Variants in ERC2 observed in about 807,000 individuals in gnomAD.
The protein encoded by ERC2 is ERC protein 2.
A neutral mutation model predicts 114.8 loss-of-function variants in ERC2; 42 were observed. That is an observed-to-expected ratio of 0.37 (90% CI 0.29 to 0.47). ERC2 has a LOEUF of 0.47. Ranked by LOEUF, ERC2 falls within the 20% of genes least tolerant of loss-of-function variation. The pLI is 0.99. For synonymous variants in ERC2, 454 were observed against 425.5 expected (o/e 1.07, Z -0.82); for missense variants, 939 against 1,150.7 (o/e 0.82, Z 2.66).
chr3:55,866,151 G>A (rs1291637438), intron 14 of ERC2, among the ~76,000 whole-genome samples: 1 of 152,090 alleles, frequency 6.6e-6, no homozygotes, highest in Non-Finnish European at 1.5e-5. Flanking sequence ...AACCATCCTA[G>A]TGGATGTAAA....
intron 13 of ERC2, among the ~76,000 whole-genome samples, chr3:55,940,821 T>C (rs1401661738): frequency 6.6e-6 from 1 of 152,178 alleles, no homozygotes; most frequent in East Asian, 1.9e-4. Context: ...TTCCATAAAA[T>C]CCATGCAAAA....
intron 10 of ERC2, among the ~76,000 whole-genome samples, chr3:55,996,939 C>T (rs563202885): frequency 6.6e-6 from 1 of 152,320 alleles, no homozygotes; most frequent in East Asian, 1.9e-4. Context: ...TGTCAAGTAT[C>T]AAAATCATAC....
At chr3:55,882,123 GC>G (rs2063144784) in intron 14 of ERC2, among the ~76,000 whole-genome samples, 5 of 152,170 alleles carry the variant, frequency 3.3e-5, no homozygotes, top group Admixed American at 2.0e-4. Context: ...ATAGATTAAT[GC>G]CCTCTCCCTT....
At chr3:56,252,757 C>CAAAAAAAAAAAA (rs71099628) in intron 3 of ERC2, among the ~76,000 whole-genome samples, 17 of 74,152 alleles carry the variant, frequency 2.3e-4, no homozygotes, top group African/African-American at 4.6e-4. Context: ...AACTCTGTCT[C>CAAAAAAAAAAAA]AAAAAAAAAA....
intron 12 of ERC2, among the ~76,000 whole-genome samples, chr3:55,978,754 G>A: frequency 6.6e-6 from 1 of 152,206 alleles, no homozygotes; most frequent in Admixed American, 6.5e-5. Context: ...TAGCAATGAT[G>A]ATGTTGTTTC....
chr3:56,286,269 C>T (rs1441209287), intron 3 of ERC2, among the ~76,000 whole-genome samples: 3 of 151,802 alleles, frequency 2.0e-5, no homozygotes, highest in South Asian at 2.1e-4. Flanking sequence ...CAAAATTAGC[C>T]GGAATGTGGT....
intron 14 of ERC2, among the ~76,000 whole-genome samples, chr3:55,823,735 A>T (rs967006960): frequency 6.6e-6 from 1 of 152,174 alleles, no homozygotes; most frequent in Admixed American, 6.5e-5. Flanking sequence ...CATTTTCCAG[A>T]TCCCATCGCT....
At chr3:55,709,981 C>T (rs1489240784) in intron 15 of ERC2, among the ~76,000 whole-genome samples, 17 of 152,102 alleles carry the variant, frequency 1.1e-4, no homozygotes. Context: ...AGCAGTTTTC[C>T]AATCAGTTGA....
intron 3 of ERC2, among the ~76,000 whole-genome samples, chr3:56,290,607 C>T (rs2055020888): frequency 6.6e-6 from 1 of 152,144 alleles, no homozygotes; most frequent in African/African-American, 2.4e-5. Flanking sequence ...GAACTAGGGA[C>T]AAGCATGTAT....
At chr3:56,401,731 C>A (rs1201814746) in intron 2 of ERC2, among the ~76,000 whole-genome samples, 1 of 152,138 alleles carries the variant, frequency 6.6e-6, no homozygotes, top group African/African-American at 2.4e-5. Flanking sequence ...TGCCTTCACC[C>A]AGGAAAGATT....
chr3:55,576,974 C>T (rs961350590), intron 17 of ERC2, among the ~76,000 whole-genome samples: 3 of 152,302 alleles, frequency 2.0e-5, no homozygotes, highest in East Asian at 1.9e-4. Context: ...TTAGACAAGT[C>T]GAGGTGATTA....
chr3:55,784,054 A>G (rs1002895146), intron 14 of ERC2, among the ~76,000 whole-genome samples: 4 of 152,244 alleles, frequency 2.6e-5, no homozygotes, highest in African/African-American at 9.6e-5. Flanking sequence ...GGTACTTGTT[A>G]TAGTAGATGA....
At chr3:56,210,147 G>A (rs1283679142) in intron 3 of ERC2, among the ~76,000 whole-genome samples, 5 of 152,258 alleles carry the variant, frequency 3.3e-5, no homozygotes, top group South Asian at 4.1e-4. Flanking sequence ...GTGCAAGAGC[G>A]AACTACCTGG....
At chr3:56,021,951 T>G (rs181775355) in intron 7 of ERC2, among the ~76,000 whole-genome samples, 248 of 152,330 alleles carry the variant, frequency 1.6e-3, no homozygotes, top group African/African-American at 5.2e-3. Context: ...ATGTACCACA[T>G]TTTCTTTATC....
At chr3:55,853,578 T>C (rs981133111) in intron 14 of ERC2, among the ~76,000 whole-genome samples, 2 of 152,110 alleles carry the variant, frequency 1.3e-5, no homozygotes, top group Non-Finnish European at 2.9e-5. Context: ...AATATAAGTA[T>C]GAATTGAATT....
rs576404070 is a variant in ERC2 at position 56,227,350 on chromosome 3, C to T, written c.1075-53830G>A. On this transcript the variant is annotated intron_variant, in intron 3 of 17. Coordinates refer to ENST00000288221, the MANE Select transcript of ERC2 (RefSeq NM_015576.3). ...ATGGGGAGTAAGGTATAGGAGCACA[C>T]TGACAGCCTCCAACAGGAAAGAAAG... 5.3e-5 allele frequency among the ~76,000 whole-genome samples: 8 copies of T among 151,454 alleles called. No individual in the cohort carries two copies. The South Asian group carries it at 1.5e-3, about 28-fold the overall frequency.
intron 7 of ERC2, among the ~76,000 whole-genome samples, chr3:56,040,002 T>C (rs1299474750): frequency 6.6e-6 from 1 of 152,068 alleles, no homozygotes; most frequent in Non-Finnish European, 1.5e-5. Flanking sequence ...CTAAAATAGA[T>C]TAAAGACTTA....
chr3:56,282,345 A>T (rs1006374843), intron 3 of ERC2, among the ~76,000 whole-genome samples: 2 of 152,226 alleles, frequency 1.3e-5, no homozygotes, highest in African/African-American at 4.8e-5. Flanking sequence ...TAAGAGAAAG[A>T]ATAAGATTTT....
chr3:55,521,164 T>C (rs551048125), intron 17 of ERC2, among the ~76,000 whole-genome samples: 3 of 152,348 alleles, frequency 2.0e-5, no homozygotes, highest in African/African-American at 7.2e-5. Flanking sequence ...GGGGTCTCGT[T>C]TGAAGATCAA....
Sources: gnomAD v4.1 joint callset for allele counts (sites outside exome capture counted in the v4.1 genomes callset) on GRCh38, gnomAD v4.1.1 for gene constraint, MANE v1.5 for transcripts, NCBI Gene and HGNC (gene_info 2026-07-23, HGNC 2026-07-21) for gene names.